The following CADPS2 variants were observed in gnomAD, a reference collection of about 807,000 sequenced individuals.
CADPS2 encodes the protein calcium dependent secretion activator 2, also known as calcium-dependent secretion activator 2.
CADPS2 carries 93 observed loss-of-function variants against 172.5 expected under a neutral mutation model. The observed-to-expected ratio is 0.54, with a 90% CI of 0.46 to 0.64. The LOEUF is 0.64. CADPS2 is among the 30% of genes least tolerant of loss of function. CADPS2 has a pLI of 0.00. For missense variants in CADPS2, 1,420 were observed against 1,565.9 expected (o/e 0.91, Z 1.57); for synonymous variants, 546 against 555.2 (o/e 0.98, Z 0.23).
rs2075608169 is a variant in CADPS2, at chr7:122,621,547, C to T, written c.1038G>A (p.Leu346=). 1.3e-5 allele frequency: 21 copies of T among 1,613,784 alleles called. No homozygotes were observed. The highest frequency in any genetic ancestry group is 2.7e-5 in the African/African-American group (2 of 75,004). ...KLKRSQNSAF[L]DIGDENEIQL... is the part of the protein sequence containing the mutation. The stretch of plus-strand genomic sequence containing the variant: ...GAATCTCATTCTCATCTCCTATGTC[C>T]AAAAATGCAGAGTTCTGTGAACGTT... Residue 346 remains leucine (L), a synonymous_variant, in exon 5 of 30, where the codon TTG becomes TTA. Transcript: ENST00000449022.
intron 3 of CADPS2, among the ~76,000 whole-genome samples, chr7:122,660,834 C>T (rs1756127648): frequency 1.3e-5 from 2 of 152,062 alleles, no homozygotes; most frequent in Middle Eastern, 3.4e-3. Context: ...CACCTGAACC[C>T]GGGAGGTGGA....
At chr7:122,487,009 A>T (rs1563480324) in intron 11 of CADPS2, among the ~76,000 whole-genome samples, 4 of 143,276 alleles carry the variant, frequency 2.8e-5, no homozygotes, top group Admixed American at 1.5e-4. Flanking sequence ...GTATAAACAT[A>T]ACTTTTTTTT....
chr7:122,820,561 T>TG lies in CADPS2; in HGVS notation c.339+65437_339+65438insC, dbSNP rs1359232333. Among the ~76,000 whole-genome samples, 7 of 113,106 alleles carry TG rather than the reference T, an allele frequency of 6.2e-5. 1 individual carries two copies. Among genetic ancestry groups the TG allele is most frequent in the Admixed American group, 8.7e-5 (1 of 11,532 alleles). The allele number at this position is 113,106 out of a possible 152,430, so 74.2% of individuals were successfully genotyped here. A position where few individuals can be genotyped will look rare whatever the true frequency, so the allele number is the denominator to read the frequency against. ...CTTACTGTTTTTTGTTTTTTGTTTT[T>TG]TTTTTTTTTTTTTTTTGAGACGGAG... On this transcript the variant is annotated intron_variant, in intron 1 of 29. Coordinates refer to ENST00000449022, the MANE Select transcript of CADPS2 (RefSeq NM_017954.11).
chr7:122,736,436 C>T (rs986567626), intron 2 of CADPS2, among the ~76,000 whole-genome samples: 1 of 152,090 alleles, frequency 6.6e-6, no homozygotes, highest in African/African-American at 2.4e-5. Context: ...AAAACTGGTG[C>T]TCATAGGAAA....
chr7:122,693,226 CAAAGT>C (rs1453533347), intron 2 of CADPS2, among the ~76,000 whole-genome samples: 1 of 152,184 alleles, frequency 6.6e-6, no homozygotes, highest in Non-Finnish European at 1.5e-5. Context: ...CTTCTTCCCA[CAAAGT>C]AGAGTTCCAT....
intron 8 of CADPS2, among the ~76,000 whole-genome samples, chr7:122,539,836 T>C (rs1054558715): frequency 6.7e-6 from 1 of 148,620 alleles, no homozygotes; most frequent in Non-Finnish European, 1.5e-5. Flanking sequence ...TCTTTCTTTC[T>C]TTAGTAAAGC....
Position 122,372,922 on chromosome 7 carries a change from T to C in CADPS2, c.3387+6446A>G, listed in dbSNP as rs528089234. Reference sequence around the variant, plus strand: ...ATTAGGTGTTTGATGCTCATCAGTTTAATAAAGGACTTTGAGAACTATGTT... The same window carrying C: ...ATTAGGTGTTTGATGCTCATCAGTTCAATAAAGGACTTTGAGAACTATGTT... On this transcript the variant is annotated intron_variant, in intron 25 of 29. Coordinates refer to ENST00000449022, the MANE Select transcript of CADPS2 (RefSeq NM_017954.11). Among the ~76,000 whole-genome samples the C allele has an allele frequency of 3.3e-5, 5 of 152,324 alleles. No individual in the cohort carries two copies. In the East Asian group the frequency reaches 9.6e-4, roughly 29 times the overall value.
At chr7:122,477,330 T>C (rs1022064113) in intron 12 of CADPS2, among the ~76,000 whole-genome samples, 1 of 151,670 alleles carries the variant, frequency 6.6e-6, no homozygotes, top group African/African-American at 2.4e-5. Context: ...CTGACCAACA[T>C]GGTGAAATCC....
At chr7:122,671,659 C>T (rs1470876570) in intron 2 of CADPS2, among the ~76,000 whole-genome samples, 1 of 151,988 alleles carries the variant, frequency 6.6e-6, no homozygotes, top group East Asian at 1.9e-4. Flanking sequence ...ATCAACTGCC[C>T]GGAGAGCAGG....
chr7:122,702,970 T>C (rs2086407131), intron 2 of CADPS2: 3 of 474,536 alleles, frequency 6.3e-6, no homozygotes, highest in Non-Finnish European at 1.1e-5. Context: ...ATTGGTACCA[T>C]GTGATTTCAA....
chr7:122,638,244 G>C (rs2077263405), intron 3 of CADPS2, among the ~76,000 whole-genome samples: 2 of 152,116 alleles, frequency 1.3e-5, no homozygotes, highest in Non-Finnish European at 2.9e-5. Context: ...CCTTCAGAGG[G>C]AGACATGCCC....
At chr7:122,340,845 C>T (rs1191082768) in intron 28 of CADPS2, among the ~76,000 whole-genome samples, 2 of 137,644 alleles carry the variant, frequency 1.5e-5, no homozygotes, top group Non-Finnish European at 3.1e-5. Context: ...CACAATGATG[C>T]CTTATGTGTT....
At chr7:122,717,949 T>C (rs963514699) in intron 2 of CADPS2, among the ~76,000 whole-genome samples, 7 of 149,690 alleles carry the variant, frequency 4.7e-5, no homozygotes, top group Non-Finnish European at 7.4e-5. Context: ...GCTGGTACTA[T>C]ATAGGTGCAT....
At chr7:122,704,018 C>A (rs1453601721) in intron 2 of CADPS2, among the ~76,000 whole-genome samples, 2 of 152,060 alleles carry the variant, frequency 1.3e-5, no homozygotes, top group Non-Finnish European at 2.9e-5. Context: ...TGGCAACACC[C>A]ACTCAAAAAT....
At chr7:122,821,018 C>T (rs1803104032) in intron 1 of CADPS2, among the ~76,000 whole-genome samples, 1 of 151,986 alleles carries the variant, frequency 6.6e-6, no homozygotes, top group African/African-American at 2.4e-5. Flanking sequence ...GACGCATATA[C>T]TTTCTGCTTC....
At chr7:122,564,421 G>A (rs2066138857) in intron 7 of CADPS2, among the ~76,000 whole-genome samples, 1 of 152,078 alleles carries the variant, frequency 6.6e-6, no homozygotes. Flanking sequence ...CAATTCTCCT[G>A]CCTCAGCCTC....
chr7:122,693,071 T>G (rs960268379), intron 2 of CADPS2, among the ~76,000 whole-genome samples: 1 of 152,226 alleles, frequency 6.6e-6, no homozygotes, highest in Admixed American at 6.5e-5. Context: ...TGAGTCACTC[T>G]GGATGTTTAC....
At chr7:122,763,368 G>A (rs953404640) in intron 1 of CADPS2, among the ~76,000 whole-genome samples, 1 of 152,062 alleles carries the variant, frequency 6.6e-6, no homozygotes, top group Non-Finnish European at 1.5e-5. Context: ...CCTACTCCAC[G>A]ACAATAAGAA....
At chr7:122,399,438 T>A (rs1480849113) in intron 20 of CADPS2, among the ~76,000 whole-genome samples, 1 of 152,186 alleles carries the variant, frequency 6.6e-6, no homozygotes, top group Non-Finnish European at 1.5e-5. Flanking sequence ...CCGAAGCTTA[T>A]AAGGCAAAGA....
Sources: allele counts gnomAD v4.1 joint callset (sites outside exome capture counted in the v4.1 genomes callset), GRCh38; gene constraint gnomAD v4.1.1; transcripts MANE v1.5; gene names NCBI Gene and HGNC (gene_info 2026-07-23, HGNC 2026-07-21).